The following THSD7A variants were observed in gnomAD, a reference collection of about 807,000 sequenced individuals.
THSD7A encodes thrombospondin type 1 domain containing 7A, also known as thrombospondin type-1 domain-containing protein 7A.
THSD7A carries 96 observed loss-of-function variants against 231.3 expected under a neutral mutation model. That is an observed-to-expected ratio of 0.41 (90% CI 0.35 to 0.49). The LOEUF is 0.49. THSD7A is among the 20% of genes least tolerant of loss of function. The pLI, the probability that THSD7A is intolerant of heterozygous loss-of-function variation, is 0.05. For synonymous variants in THSD7A, 940 were observed against 743.3 expected (o/e 1.26, Z -4.30); for missense variants, 2,290 against 2,070.2 (o/e 1.11, Z -2.06).
At chr7:11,389,269 C>T (rs1482898330) in intron 23 of THSD7A, among the ~76,000 whole-genome samples, 11 of 151,768 alleles carry the variant, frequency 7.2e-5, no homozygotes, top group East Asian at 3.9e-4. Context: ...TTTATGAATC[C>T]GGGCGCTCCT....
chr7:11,527,150 C>G (rs1161320735), intron 6 of THSD7A, among the ~76,000 whole-genome samples: 1 of 152,074 alleles, frequency 6.6e-6, no homozygotes, highest in Non-Finnish European at 1.5e-5. Flanking sequence ...GAAGTCAAGA[C>G]TAAATATCCA....
intron 6 of THSD7A, among the ~76,000 whole-genome samples, chr7:11,491,790 G>A (rs1330257840): frequency 6.6e-6 from 1 of 152,026 alleles, no homozygotes; most frequent in African/African-American, 2.4e-5. Context: ...CTCCTGTGTT[G>A]ATCTCTCCAG....
intron 2 of THSD7A, among the ~76,000 whole-genome samples, chr7:11,614,824 G>A (rs1241418076): frequency 6.6e-6 from 1 of 152,094 alleles, no homozygotes; most frequent in African/African-American, 2.4e-5. Flanking sequence ...TTATAGCCAA[G>A]TTAGAGAAAA....
rs753913119 is a variant in THSD7A at position 11,406,287 on chromosome 7, T to A, written c.4237+13A>T. The stretch of plus-strand genomic sequence containing the variant: ...AAATAATCAGAATATGAATTCTCCT[T>A]TGCCGTTGTTACCTGGGCAAGGCTG... On this transcript the variant is annotated intron_variant, in intron 22 of 27. Coordinates refer to ENST00000423059, the MANE Select transcript of THSD7A (RefSeq NM_015204.3). The surrounding 1 kb of genome is among the most constrained non-coding windows in gnomAD (Gnocchi z 4.7). The A allele has an allele frequency of 9.4e-6, 15 of 1,597,004 alleles. No homozygotes were observed. The South Asian group carries it at 1.7e-4, about 18-fold the overall frequency.
At chr7:11,382,987 TCA>T (rs1297659164) in intron 23 of THSD7A, among the ~76,000 whole-genome samples, 5 of 151,476 alleles carry the variant, frequency 3.3e-5, no homozygotes, top group African/African-American at 1.2e-4. Flanking sequence ...CATATTTGCC[TCA>T]GTTTTCATTA....
intron 4 of THSD7A, among the ~76,000 whole-genome samples, chr7:11,573,944 A>G (rs78436461): frequency 3.9e-4 from 59 of 152,300 alleles, no homozygotes; most frequent in African/African-American, 1.4e-3. Flanking sequence ...TCAATTCAAG[A>G]TCATGGAGCT....
At chr7:11,492,461 A>G (rs1031478820) in intron 6 of THSD7A, among the ~76,000 whole-genome samples, 5 of 152,196 alleles carry the variant, frequency 3.3e-5, no homozygotes, top group South Asian at 2.1e-4. Context: ...AAATATAACT[A>G]TATTTGACTT....
chr7:11,564,261 G>T (rs1421505589), intron 4 of THSD7A, among the ~76,000 whole-genome samples: 1 of 152,114 alleles, frequency 6.6e-6, no homozygotes, highest in Non-Finnish European at 1.5e-5. Flanking sequence ...TATGGGTGTC[G>T]AAAACACTGC....
rs143181322 is a variant in THSD7A, at chr7:11,741,070, C to T, written c.190+90687G>A. Among the ~76,000 whole-genome samples, 18 of 151,896 alleles carry T rather than the reference C, an allele frequency of 1.2e-4. No individual in the cohort carries two copies. The East Asian group carries it at 2.3e-3, about 20-fold the overall frequency. On this transcript the variant is annotated intron_variant, in intron 1 of 27. Transcript: ENST00000423059. Reference sequence around the variant, plus strand: ...AATATTTTGCTAGGTACCTGTTAATCGATGATATAATTAATTGTCCAAACT... The same window carrying T: ...AATATTTTGCTAGGTACCTGTTAATTGATGATATAATTAATTGTCCAAACT...
chr7:11,407,875 A>G (rs1358646797), intron 19 of THSD7A, among the ~76,000 whole-genome samples: 3 of 152,246 alleles, frequency 2.0e-5, no homozygotes, highest in Non-Finnish European at 4.4e-5. Flanking sequence ...TTCTAAACAT[A>G]AATTCATACT....
intron 2 of THSD7A, among the ~76,000 whole-genome samples, chr7:11,594,600 C>T (rs1780290624): frequency 6.6e-6 from 1 of 152,038 alleles, no homozygotes; most frequent in Admixed American, 6.6e-5. Context: ...CACCTTTGAC[C>T]ATATATGGAG....
intron 4 of THSD7A, among the ~76,000 whole-genome samples, chr7:11,573,779 G>C (rs1269529238): frequency 6.6e-6 from 1 of 152,162 alleles, no homozygotes; most frequent in Non-Finnish European, 1.5e-5. Context: ...GTACAGATTA[G>C]TCTGTAATCG....
chr7:11,776,412 A>T (rs755946479), intron 1 of THSD7A, among the ~76,000 whole-genome samples: 2 of 152,198 alleles, frequency 1.3e-5, no homozygotes, highest in Non-Finnish European at 2.9e-5. Flanking sequence ...AATTTCTCAG[A>T]ATTCTCTAGA....
Position 11,569,854 on chromosome 7 carries a change from T to C in THSD7A, c.1453+20606A>G, listed in dbSNP as rs138703205. On this transcript the variant is annotated intron_variant, in intron 4 of 27. Transcript: ENST00000423059. ...TATACTATTCATCCATACAAAGAAA[T>C]GAAATTATGTCATTTGCAGCTACAT... is the stretch of plus-strand genomic sequence containing the variant. 3.7e-3 allele frequency among the ~76,000 whole-genome samples: 556 copies of C among 152,206 alleles called. 1 individual carries two copies. Among genetic ancestry groups the C allele is most frequent in the African/African-American group, 0.013 (535 of 41,524 alleles).
chr7:11,820,880 G>C, intron 1 of THSD7A: 1 of 894,144 alleles, frequency 1.1e-6, no homozygotes, highest in Non-Finnish European at 1.8e-6. Context: ...TTTCCCTCGA[G>C]TGGCTGGAGT....
intron 1 of THSD7A, among the ~76,000 whole-genome samples, chr7:11,725,843 T>G (rs1026812911): frequency 1.3e-5 from 2 of 151,996 alleles, no homozygotes; most frequent in Non-Finnish European, 2.9e-5. Context: ...AATTATTTAT[T>G]CTCAGTGGAT....
intron 1 of THSD7A, among the ~76,000 whole-genome samples, chr7:11,763,176 T>C (rs187709763): frequency 6.6e-6 from 1 of 152,296 alleles, no homozygotes; most frequent in East Asian, 1.9e-4. Context: ...TTCCAAGTAT[T>C]CCCTTAATAT....
At chr7:11,566,969 G>GGGAGGGGGGGGTGC in intron 4 of THSD7A, among the ~76,000 whole-genome samples, 1 of 84,148 alleles carries the variant, frequency 1.2e-5, no homozygotes, top group Non-Finnish European at 2.4e-5. Flanking sequence ...GGAGAGTGGG[G>GGGAGGGGGGGGTGC]GGGGGACTGA....
rs932197920 is a variant in THSD7A at position 11,590,728 on chromosome 7, T to G, written c.1272-87A>C. On this transcript the variant is annotated intron_variant, in intron 3 of 27. Transcript: ENST00000423059. This position sits in a 1 kb window ranked among gnomAD's most constrained non-coding sequence, Gnocchi z 4.4. ...CTGTCATACTTTGTTTTAACGAAAA[T>G]TAGTCTCAAAATCATTTTCCTAGAG... The G allele has an allele frequency of 2.1e-6, 3 of 1,412,790 alleles. No individual in the cohort carries two copies. In the African/African-American group the frequency reaches 4.3e-5, roughly 20 times the overall value. The allele number at this position is 1,412,790 out of a possible 1,614,324, so 87.5% of individuals were successfully genotyped here. A position where few individuals can be genotyped will look rare whatever the true frequency, so the allele number is the denominator to read the frequency against.
Sources: allele counts gnomAD v4.1 joint callset (sites outside exome capture counted in the v4.1 genomes callset), GRCh38; gene constraint gnomAD v4.1.1; non-coding constraint Gnocchi (gnomAD v3.1); transcripts MANE v1.5; gene names NCBI Gene and HGNC (gene_info 2026-07-23, HGNC 2026-07-21).